Variants in PTPRT observed in about 807,000 individuals in gnomAD.
The protein encoded by PTPRT is protein tyrosine phosphatase receptor type T, also known as receptor-type tyrosine-protein phosphatase T.
A neutral mutation model predicts 176.8 loss-of-function variants in PTPRT; 56 were observed. That is an observed-to-expected ratio of 0.32 (90% CI 0.26 to 0.40). PTPRT has a LOEUF of 0.40. Ranked by LOEUF, PTPRT falls within the 10% of genes least tolerant of loss-of-function variation. PTPRT has a pLI of 1.00. For synonymous variants in PTPRT, 783 were observed against 739.0 expected, an observed-to-expected ratio of 1.06 and a Z score of -0.96; for missense variants, 1,540 against 1,908.2, an observed-to-expected ratio of 0.81 and a Z score of 3.60.
rs145767943 is a variant in PTPRT at position 42,633,040 on chromosome 20, T to G, written c.1153+44826A>C. On this transcript the variant is annotated intron_variant, in intron 7 of 30. Transcript: ENST00000373187. ...AATAAGAGTGCTTTTTGAGAATGAT[T>G]CCAATATCTATCTTCATTTGCTATA... Among the ~76,000 whole-genome samples the G allele has an allele frequency of 3.9e-5, 6 of 152,300 alleles. No homozygotes were observed. In the East Asian group the frequency reaches 1.2e-3, roughly 29 times the overall value.
Position 42,082,365 on chromosome 20 carries a change from C to A in PTPRT, c.4137-348G>T, listed in dbSNP as rs552489804. Reference sequence around the variant, plus strand: ...GGCACACTCACCCAAACCCCAAGGGCAGGATGGTACTGTGTCTTTGTACAT... The same window carrying A: ...GGCACACTCACCCAAACCCCAAGGGAAGGATGGTACTGTGTCTTTGTACAT... On this transcript the variant is annotated intron_variant, in intron 29 of 30. Coordinates refer to ENST00000373187, the MANE Select transcript of PTPRT (RefSeq NM_007050.6). Among the ~76,000 whole-genome samples, 11 of 152,356 alleles carry A rather than the reference C, an allele frequency of 7.2e-5. No individual in the cohort carries two copies. The East Asian group carries it at 1.3e-3, about 19-fold the overall frequency.
chr20:42,918,780 G>T (rs1028239579), intron 1 of PTPRT, among the ~76,000 whole-genome samples: 5 of 152,166 alleles, frequency 3.3e-5, no homozygotes, highest in South Asian at 4.1e-4. Context: ...TGCTTGCCCA[G>T]ATGAAAAGGA....
At chr20:42,857,552 G>A (rs1230250273) in intron 2 of PTPRT, among the ~76,000 whole-genome samples, 1 of 152,108 alleles carries the variant, frequency 6.6e-6, no homozygotes, top group African/African-American at 2.4e-5. Context: ...CCAGATTCTT[G>A]ACTATTTCCC....
intron 7 of PTPRT, among the ~76,000 whole-genome samples, chr20:42,478,636 T>C (rs1404288629): frequency 1.3e-5 from 2 of 151,938 alleles, no homozygotes; most frequent in Non-Finnish European, 2.9e-5. Flanking sequence ...CACCAACAAA[T>C]CCTCATTCAA....
intron 26 of PTPRT, among the ~76,000 whole-genome samples, chr20:42,101,472 G>A (rs1011314398): frequency 9.2e-5 from 14 of 152,142 alleles, no homozygotes; most frequent in South Asian, 2.1e-4. Context: ...GCTTAGGCTC[G>A]CTGGACCAGG....
intron 5 of PTPRT, among the ~76,000 whole-genome samples, chr20:42,770,655 G>A (rs893578260): frequency 2.0e-5 from 3 of 152,104 alleles, no homozygotes; most frequent in African/African-American, 4.8e-5. Flanking sequence ...CATAAAAAGC[G>A]ACTCTCTAAT....
At chr20:42,906,740 G>A (rs1026970640) in intron 1 of PTPRT, among the ~76,000 whole-genome samples, 2 of 152,298 alleles carry the variant, frequency 1.3e-5, no homozygotes, top group East Asian at 3.9e-4. Flanking sequence ...ACCCTGTGAG[G>A]GGGACAGGGG....
intron 1 of PTPRT, among the ~76,000 whole-genome samples, chr20:43,129,070 A>G (rs929738056): frequency 2.0e-5 from 3 of 152,140 alleles, no homozygotes; most frequent in Admixed American, 6.5e-5. Context: ...TTCTTGTTGT[A>G]TTCACTCTCA....
chr20:42,716,272 T>A (rs2076221652), intron 6 of PTPRT, among the ~76,000 whole-genome samples: 1 of 152,194 alleles, frequency 6.6e-6, no homozygotes, highest in Non-Finnish European at 1.5e-5. Flanking sequence ...TACCCAGTAA[T>A]GGGATGGCTG....
intron 2 of PTPRT, among the ~76,000 whole-genome samples, chr20:42,876,979 T>C (rs1405625098): frequency 1.3e-5 from 2 of 152,152 alleles, no homozygotes; most frequent in South Asian, 2.1e-4. Context: ...AGTGGAGCTG[T>C]GCTCTTAGCC....
At chr20:42,358,596 G>C (rs910794980) in intron 9 of PTPRT, among the ~76,000 whole-genome samples, 1 of 152,202 alleles carries the variant, frequency 6.6e-6, no homozygotes, top group African/African-American at 2.4e-5. Flanking sequence ...CATGGGAGAA[G>C]GGTGGGAGGC....
chr20:42,953,608 C>G (rs1981407284), intron 1 of PTPRT, among the ~76,000 whole-genome samples: 1 of 152,148 alleles, frequency 6.6e-6, no homozygotes, highest in African/African-American at 2.4e-5. Context: ...TATCACACTC[C>G]TAGAAGAGCC....
intron 7 of PTPRT, among the ~76,000 whole-genome samples, chr20:42,498,617 T>C (rs1171793168): frequency 6.6e-6 from 1 of 152,152 alleles, no homozygotes; most frequent in African/African-American, 2.4e-5. Flanking sequence ...TTTCAGGAGA[T>C]TTTGACATCT....
intron 9 of PTPRT, among the ~76,000 whole-genome samples, chr20:42,374,207 T>C (rs1364040034): frequency 2.6e-5 from 4 of 152,352 alleles, no homozygotes; most frequent in South Asian, 4.1e-4. Flanking sequence ...CAACACCAGC[T>C]CTTTCTTCTC....
Position 42,380,930 on chromosome 20 carries a change from G to A in PTPRT, c.1561-28645C>T, listed in dbSNP as rs192617149. ...TGATGTTGCCATCTGCTCGGCTTCT[G>A]GGGAGGCCTCAGGAAACTTACAATC... On this transcript the variant is annotated intron_variant, in intron 9 of 30. Transcript: ENST00000373187. Among the ~76,000 whole-genome samples, 686 of 152,262 alleles carry A rather than the reference G, an allele frequency of 4.5e-3. 5 individuals carry two copies. Among genetic ancestry groups the A allele is most frequent in the African/African-American group, 0.016 (649 of 41,538 alleles).
chr20:42,645,425 C>T (rs973420815), intron 7 of PTPRT, among the ~76,000 whole-genome samples: 7 of 152,162 alleles, frequency 4.6e-5, no homozygotes, highest in South Asian at 2.1e-4. Context: ...CAGTTGGCCA[C>T]AATGGTAACC....
At chr20:42,614,675 C>A (rs2074035509) in intron 7 of PTPRT, among the ~76,000 whole-genome samples, 1 of 152,158 alleles carries the variant, frequency 6.6e-6, no homozygotes, top group Non-Finnish European at 1.5e-5. Context: ...GTTCTGACCA[C>A]CCTGCAATGA....
chr20:42,461,609 T>G (rs1229225811), intron 8 of PTPRT, among the ~76,000 whole-genome samples: 1 of 152,142 alleles, frequency 6.6e-6, no homozygotes, highest in Non-Finnish European at 1.5e-5. Flanking sequence ...GGAAGCAAAG[T>G]ACAAAAAGTG....
At chr20:42,754,248 T>G (rs1476834969) in intron 6 of PTPRT, among the ~76,000 whole-genome samples, 1 of 152,204 alleles carries the variant, frequency 6.6e-6, no homozygotes, top group African/African-American at 2.4e-5. Flanking sequence ...TGCAGTGGCA[T>G]GATCTCAGCT....
Sources: gnomAD v4.1 joint callset for allele counts (sites outside exome capture counted in the v4.1 genomes callset) on GRCh38, gnomAD v4.1.1 for gene constraint, MANE v1.5 for transcripts, NCBI Gene and HGNC (gene_info 2026-07-23, HGNC 2026-07-21) for gene names.